Variants in TMEM72 observed in about 807,000 individuals in gnomAD.
TMEM72 encodes kidney-specific secretory protein of 37 kDa.
TMEM72 carries 9 observed loss-of-function variants against 16.3 expected under a neutral mutation model. The ratio of observed to expected loss-of-function variants is 0.55; its 90% CI spans 0.33 to 0.96. TMEM72 has a LOEUF of 0.96. TMEM72 is among the 40% of genes least tolerant of loss of function. TMEM72 has a pLI of 0.03. For synonymous variants in TMEM72, 160 were observed against 146.5 expected (o/e 1.09, Z -0.66); for missense variants, 324 against 337.8 (o/e 0.96, Z 0.32).
In TMEM72 at chr10:44,935,357, CTCCT is replaced by C; in HGVS notation, c.*228_*231del. On this transcript the variant is annotated 3_prime_UTR_variant, in exon 5 of 5. Transcript: ENST00000389583. ...TCACGCCACCTCAAGCCAGCACAAGCTCCTTCCTCCTGGCCACAGGTGGGGAAAC... is the reference window on the plus strand; with the variant it reads ...TCACGCCACCTCAAGCCAGCACAAGCTCCTCCTGGCCACAGGTGGGGAAAC... The C allele has an allele frequency of 2.1e-6, 1 of 482,900 alleles. No individual in the cohort carries two copies. The highest frequency in any genetic ancestry group is 3.6e-6 in the Non-Finnish European group (1 of 275,198). 29.9% of individuals were successfully genotyped at this position (482,900 alleles called of 1,614,324 possible). A position where few individuals can be genotyped will look rare whatever the true frequency, so the allele number is the denominator to read the frequency against.
At chr10:44,932,341 C>T (rs571319561) in intron 3 of TMEM72, among the ~76,000 whole-genome samples, 2 of 152,340 alleles carry the variant, frequency 1.3e-5, no homozygotes, top group South Asian at 4.1e-4. Context: ...AAGTCCAGCT[C>T]CCCCTCACCA....
chr10:44,934,295 G>A (rs1245524275), intron 4 of TMEM72, among the ~76,000 whole-genome samples: 2 of 152,168 alleles, frequency 1.3e-5, no homozygotes, highest in African/African-American at 4.8e-5. Context: ...CACCTTTTCA[G>A]TTTCATCCAC....
At chr10:44,931,713 T>A in intron 2 of TMEM72, 1 of 463,634 alleles carries the variant, frequency 2.2e-6, no homozygotes, top group Non-Finnish European at 3.9e-6. Flanking sequence ...TAGAAGGATG[T>A]GCCTGCCAGT....
At position 44,911,363 on chromosome 10, in the gene TMEM72, T is replaced by C; in HGVS notation, c.-150T>C. 1.4e-6 allele frequency: 1 copy of C among 717,888 alleles called. No homozygotes were observed. 44.5% of individuals were successfully genotyped at this position (717,888 alleles called of 1,614,324 possible). A position where few individuals can be genotyped will look rare whatever the true frequency, so the allele number is the denominator to read the frequency against. ...AGCCCTATTCACACCTCGGCCAGGC[T>C]GCGGTGGCCAGGACTGGTTTGGGAA... On this transcript the variant is annotated 5_prime_UTR_variant, in exon 1 of 5. Transcript: ENST00000389583.
intron 1 of TMEM72, among the ~76,000 whole-genome samples, chr10:44,916,450 A>T (rs1263843585): frequency 2.0e-5 from 3 of 152,166 alleles, no homozygotes. Context: ...AGCTGTTCTC[A>T]TTATATTTTA....
At chr10:44,915,465 A>G (rs577762435) in intron 1 of TMEM72, among the ~76,000 whole-genome samples, 1 of 152,246 alleles carries the variant, frequency 6.6e-6, no homozygotes, top group African/African-American at 2.4e-5. Context: ...CACACCAGGA[A>G]GCAAGAAGAC....
At chr10:44,912,496 A>G (rs1054988057) in intron 1 of TMEM72, among the ~76,000 whole-genome samples, 3 of 152,184 alleles carry the variant, frequency 2.0e-5, no homozygotes, top group African/African-American at 7.2e-5. Flanking sequence ...AAGCTTACCC[A>G]CGGGTCTTAC....
Position 44,934,928 on chromosome 10 carries a change from C to T in TMEM72, c.622C>T (p.Leu208=). The stretch of plus-strand genomic sequence containing the variant: ...CCAGCCCCCCAACACCCTGATGGAG[C>T]TGAGCCTGGAGCCAGCCGACTCCCT... The part of the protein sequence containing the change: ...ALQPPNTLME[L]SLEPADSLAK... Residue 208 remains leucine (L), a synonymous_variant, in exon 5 of 5, where the codon CTG becomes TTG. Coordinates refer to ENST00000389583, the MANE Select transcript of TMEM72 (RefSeq NM_001123376.3). 1.2e-6 allele frequency: 2 copies of T among 1,613,722 alleles called. No homozygotes were observed. Among genetic ancestry groups the T allele is most frequent in the South Asian group, 1.1e-5 (1 of 91,004 alleles).
rs949250599 is a variant in TMEM72, at chr10:44,932,167, C to T, written c.209+98C>T. The T allele has an allele frequency of 7.1e-6, 10 of 1,401,020 alleles. No homozygotes were observed. In the Admixed American group the frequency reaches 9.9e-5, roughly 14 times the overall value. The allele number at this position is 1,401,020 out of a possible 1,614,324, so 86.8% of individuals were successfully genotyped here. On this transcript the variant is annotated intron_variant, in intron 3 of 4. Transcript: ENST00000389583. ...GCCCACAACCAGGGGATGTCCTGCT[C>T]CTGAAGCCACTGTGGACAGGAGCCC...
intron 2 of TMEM72, among the ~76,000 whole-genome samples, chr10:44,931,141 A>T (rs1009824546): frequency 8.5e-5 from 13 of 152,194 alleles, no homozygotes; most frequent in African/African-American, 3.1e-4. Context: ...CAGACTGGAG[A>T]GGGAAGGGGA....
intron 1 of TMEM72, among the ~76,000 whole-genome samples, chr10:44,923,880 C>A (rs1377553589): frequency 6.6e-6 from 1 of 152,210 alleles, no homozygotes; most frequent in Non-Finnish European, 1.5e-5. Context: ...CCTGCTGTGC[C>A]ACTGGACAGT....
chr10:44,912,657 T>C (rs1182403839), intron 1 of TMEM72, among the ~76,000 whole-genome samples: 2 of 152,106 alleles, frequency 1.3e-5, no homozygotes, highest in Non-Finnish European at 2.9e-5. Flanking sequence ...GGCCAGGTGT[T>C]TGGACAGATT....
chr10:44,912,885 A>G (rs138333215), intron 1 of TMEM72, among the ~76,000 whole-genome samples: 17 of 152,276 alleles, frequency 1.1e-4, no homozygotes, highest in African/African-American at 2.2e-4. Context: ...CCCTCCTGCT[A>G]CAGGATGGGG....
chr10:44,916,393 C>T (rs1840014843), intron 1 of TMEM72, among the ~76,000 whole-genome samples: 1 of 152,174 alleles, frequency 6.6e-6, no homozygotes, highest in African/African-American at 2.4e-5. Context: ...ACAGTTAGAG[C>T]ATTGGCTTAT....
intron 3 of TMEM72, among the ~76,000 whole-genome samples, chr10:44,932,733 A>C (rs982468198): frequency 6.6e-6 from 1 of 152,186 alleles, no homozygotes; most frequent in Admixed American, 6.5e-5. Context: ...ACCAGCCCTA[A>C]GGCAGAAAGC....
At chr10:44,926,038 C>T (rs1840183897) in intron 1 of TMEM72, among the ~76,000 whole-genome samples, 2 of 149,840 alleles carry the variant, frequency 1.3e-5, no homozygotes, top group African/African-American at 2.5e-5. Context: ...CACACACACA[C>T]TCACACACAT....
At position 44,934,843 on chromosome 10, in the gene TMEM72, C is replaced by T; in HGVS notation, c.537C>T (p.Pro179=). 6.2e-7 allele frequency: 1 copy of T among 1,613,608 alleles called. No homozygotes were observed. Among genetic ancestry groups the T allele is most frequent in the Non-Finnish European group, 8.5e-7 (1 of 1,179,984 alleles). Residue 179 remains proline, a synonymous_variant, in exon 5 of 5, where the codon CCC becomes CCT. Transcript: ENST00000389583. The part of the protein sequence containing the change: ...YTFHGALKEG[P]SSLFIHMKSI... ...TCCATGGGGCCCTCAAGGAGGGGCC[C>T]AGCTCCCTTTTCATCCACATGAAGA...
At chr10:44,928,084 A>G (rs950501129) in intron 2 of TMEM72, 97 bp downstream of exon 2, 21 of 1,356,298 alleles carry the variant, frequency 1.5e-5, no homozygotes, top group Non-Finnish European at 2.1e-5. Flanking sequence ...TCCCCTTCCC[A>G]TGTGAATTCC....
chr10:44,934,203 G>A (rs1840353648), intron 4 of TMEM72, among the ~76,000 whole-genome samples: 1 of 130,422 alleles, frequency 7.7e-6, no homozygotes, highest in Admixed American at 7.9e-5. Flanking sequence ...AATCTTCACA[G>A]CCTCATCTCC....
Sources: gnomAD v4.1 joint callset for allele counts (sites outside exome capture counted in the v4.1 genomes callset) on GRCh38, gnomAD v4.1.1 for gene constraint, MANE v1.5 for transcripts, NCBI Gene and HGNC (gene_info 2026-07-23, HGNC 2026-07-21) for gene names.